Variants in MCM10 observed in about 807,000 individuals in gnomAD.
The protein encoded by MCM10 is protein MCM10 homolog.
MCM10 carries 91 observed loss-of-function variants against 109.9 expected under a neutral mutation model. The ratio of observed to expected loss-of-function variants is 0.83; its 90% CI spans 0.70 to 0.99. The LOEUF (loss-of-function observed/expected upper bound fraction) is 0.99, where lower values mean the gene tolerates loss of function less well. MCM10 is among the 50% of genes least tolerant of loss of function. The pLI, the probability that MCM10 is intolerant of heterozygous loss-of-function variation, is 0.00. For missense variants in MCM10, 1,077 were observed against 1,061.2 expected, an observed-to-expected ratio of 1.01 and a Z score of -0.21; for synonymous variants, 380 against 387.2, an observed-to-expected ratio of 0.98 and a Z score of 0.22.
chr10:13,191,240 C>A, intron 10 of MCM10, 59 bp from the exon 11 acceptor site: 2 of 1,128,074 alleles, frequency 1.8e-6, no homozygotes, highest in Non-Finnish European at 2.7e-6. Context: ...GCCTTCTTTA[C>A]CTCATCAGAG....
intron 3 of MCM10, 131 bp downstream of exon 3, chr10:13,171,394 GA>G: frequency 2.2e-6 from 2 of 901,750 alleles, no homozygotes; most frequent in African/African-American, 1.7e-5. Context: ...AAGAAAAAAA[GA>G]AAGAAAATTA....
At position 13,209,208 on chromosome 10, in the gene MCM10, A is replaced by C. The variant is rs1834625709; in HGVS notation, c.2542-19A>C. The C allele has an allele frequency of 6.2e-7, 1 of 1,610,544 alleles. No individual in the cohort carries two copies. Among genetic ancestry groups the C allele is most frequent in the South Asian group, 1.1e-5 (1 of 90,986 alleles). On this transcript the variant is annotated intron_variant, in intron 19 of 19. Transcript: ENST00000378714. The stretch of plus-strand genomic sequence containing the variant: ...ATAATGTGGAACCATCTCCTATTAA[A>C]ATATTTTCATTTTTCTAGGAAAAGA...
intron 16 of MCM10, 66 bp from the exon 17 acceptor site, chr10:13,201,355 T>C: frequency 1.1e-6 from 1 of 928,880 alleles, no homozygotes; most frequent in Non-Finnish European, 1.7e-6. Context: ...CGAGTTACTC[T>C]TACTGTGCTG....
At chr10:13,189,118 T>A (rs1355493135) in intron 10 of MCM10, 38 bp downstream of exon 10, 5 of 1,610,796 alleles carry the variant, frequency 3.1e-6, no homozygotes, top group Non-Finnish European at 4.2e-6. Flanking sequence ...CAGAGGATTT[T>A]GCTTATCAAA....
intron 13 of MCM10, among the ~76,000 whole-genome samples, chr10:13,193,645 AG>A (rs998577853): frequency 1.2e-4 from 19 of 152,182 alleles, no homozygotes; most frequent in African/African-American, 4.6e-4. Context: ...TGGGAAAGTA[AG>A]AGAATGGGTT....
At position 13,209,254 on chromosome 10, in the gene MCM10, G is replaced by C; in HGVS notation, c.2569G>C (p.Glu857Gln). Residue 857 changes from glutamate to glutamine, a missense_variant, in exon 20 of 20, where the codon GAA becomes CAA. By Grantham distance (29) the Glu-to-Gln change is conservative. Coordinates refer to ENST00000378714, the MANE Select transcript of MCM10 (RefSeq NM_018518.5). ...AAAGACTGGTCCAAAGATAGGAGGAGAAACTCTGTTACCAAGAGGAGAAGA... is the reference window on the plus strand; with the variant it reads ...AAAGACTGGTCCAAAGATAGGAGGACAAACTCTGTTACCAAGAGGAGAAGA... ...KEKTGPKIGG[E>Q]TLLPRGEEHA... The C allele has an allele frequency of 2.5e-6, 4 of 1,614,024 alleles. No homozygotes were observed. The highest frequency in any genetic ancestry group is 2.2e-5 in the East Asian group (1 of 44,886).
chr10:13,207,456 T>G (rs559931073), intron 18 of MCM10, among the ~76,000 whole-genome samples: 1 of 152,300 alleles, frequency 6.6e-6, no homozygotes, highest in Non-Finnish European at 1.5e-5. Context: ...TGGGAGGTTG[T>G]AAGGGCTAAG....
rs1834087372 is a variant in MCM10 at position 13,172,489 on chromosome 10, A to G, written c.454+9A>G. On this transcript the variant is annotated intron_variant, in intron 4 of 19. Coordinates refer to ENST00000378714, the MANE Select transcript of MCM10 (RefSeq NM_018518.5). This position sits in a 1 kb window ranked among gnomAD's most constrained non-coding sequence, Gnocchi z 5.2. The stretch of plus-strand genomic sequence containing the variant: ...TCTGCAAAAATCCCCTGGTAAGAAG[A>G]CTGTCATTCTGGCAATCGTGTGCAT... 6.2e-7 allele frequency: 1 copy of G among 1,611,788 alleles called. No individual in the cohort carries two copies. The highest frequency in any genetic ancestry group is 1.7e-4 in the Middle Eastern group (1 of 6,052).
rs115053024 is a variant in MCM10, at chr10:13,182,115, A to T, written c.931-818A>T. The stretch of plus-strand genomic sequence containing the variant: ...GTTAAACTCAACCAGTTTTCTTGAA[A>T]TGATGCTTTTGTAAGCTAAGCAGAG... On this transcript the variant is annotated intron_variant, in intron 7 of 19. Transcript: ENST00000378714. This position sits in a 1 kb window ranked among gnomAD's most constrained non-coding sequence, Gnocchi z 4.2. 1.6e-3 allele frequency among the ~76,000 whole-genome samples: 248 copies of T among 152,352 alleles called. No homozygotes were observed. Among genetic ancestry groups the T allele is most frequent in the African/African-American group, 5.7e-3 (239 of 41,582 alleles).
At position 13,209,569 on chromosome 10, in the gene MCM10, G is replaced by A. The variant is rs1350848892; in HGVS notation, c.*259G>A. The A allele has an allele frequency of 2.0e-6, 1 of 505,954 alleles. No individual in the cohort carries two copies. Among genetic ancestry groups the A allele is most frequent in the Non-Finnish European group, 3.5e-6 (1 of 284,260 alleles). The allele number at this position is 505,954 out of a possible 1,614,324, so 31.3% of individuals were successfully genotyped here. A position where few individuals can be genotyped will look rare whatever the true frequency, so the allele number is the denominator to read the frequency against. On this transcript the variant is annotated 3_prime_UTR_variant, in exon 20 of 20. Transcript: ENST00000378714. The stretch of plus-strand genomic sequence containing the variant: ...GGATGATTGCATTACTTCATTCACT[G>A]AAGTTTTTGCCCAAAAATTGGAAGG...
At chr10:13,183,168 G>A in intron 8 of MCM10, 68 bp downstream of exon 8, 1 of 1,528,998 alleles carries the variant, frequency 6.5e-7, no homozygotes, top group South Asian at 1.2e-5. Flanking sequence ...TATCAAAGAT[G>A]TTTGATGCAG....
At chr10:13,189,954 A>C (rs1001261998) in intron 10 of MCM10, among the ~76,000 whole-genome samples, 30 of 152,182 alleles carry the variant, frequency 2.0e-4, no homozygotes, top group African/African-American at 6.8e-4. Context: ...TATATTAATG[A>C]TAGCCTATAA....
intron 18 of MCM10, among the ~76,000 whole-genome samples, chr10:13,206,687 A>G (rs1834585768): frequency 6.6e-6 from 1 of 152,230 alleles, no homozygotes; most frequent in Non-Finnish European, 1.5e-5. Context: ...AAATTAAAAA[A>G]AATTCTGTTT....
At chr10:13,207,649 C>T (rs1206192865) in intron 18 of MCM10, among the ~76,000 whole-genome samples, 1 of 152,142 alleles carries the variant, frequency 6.6e-6, no homozygotes, top group Non-Finnish European at 1.5e-5. Flanking sequence ...AAATAAGTCT[C>T]ATGAGATCTG....
At chr10:13,162,023 G>C (rs900675362) in intron 1 of MCM10, among the ~76,000 whole-genome samples, 2 of 152,208 alleles carry the variant, frequency 1.3e-5, no homozygotes, top group Admixed American at 1.3e-4. Context: ...TTAAAGGCAC[G>C]AGCAGGTAGT....
At chr10:13,202,075 A>G (rs1048274668) in intron 17 of MCM10, among the ~76,000 whole-genome samples, 33 of 152,194 alleles carry the variant, frequency 2.2e-4, no homozygotes, top group African/African-American at 7.5e-4. Context: ...ATGGGAAGAA[A>G]GGGCTGGGTG....
intron 6 of MCM10, among the ~76,000 whole-genome samples, chr10:13,177,862 A>AC (rs1466991728): frequency 3.3e-5 from 5 of 151,448 alleles, no homozygotes; most frequent in South Asian, 2.1e-4. Context: ...AAAAAAAAAA[A>AC]AGTTTCCTCA....
At chr10:13,191,674 G>A (rs773878171) in intron 11 of MCM10, among the ~76,000 whole-genome samples, 1 of 152,094 alleles carries the variant, frequency 6.6e-6, no homozygotes. Flanking sequence ...TGAGTGGCGC[G>A]GTCTAACCTA....
At chr10:13,202,159 GACCA>G (rs2131587989) in intron 17 of MCM10, among the ~76,000 whole-genome samples, 1 of 152,182 alleles carries the variant, frequency 6.6e-6, no homozygotes, top group East Asian at 1.9e-4. Flanking sequence ...AGGAATTTGA[GACCA>G]ACCCGGGCAA....
Sources: allele counts gnomAD v4.1 joint callset (sites outside exome capture counted in the v4.1 genomes callset), GRCh38; gene constraint gnomAD v4.1.1; non-coding constraint Gnocchi (gnomAD v3.1); transcripts MANE v1.5; gene names NCBI Gene and HGNC (gene_info 2026-07-23, HGNC 2026-07-21).